Variants in ELFN2 observed in about 807,000 individuals in gnomAD.
ELFN2 encodes extracellular leucine rich repeat and fibronectin type III domain containing 2.
ELFN2 carries 17 observed loss-of-function variants against 45.5 expected under a neutral mutation model. That is an observed-to-expected ratio of 0.37 (90% CI 0.26 to 0.56). ELFN2 has a LOEUF of 0.56. Ranked by LOEUF, ELFN2 falls within the 20% of genes least tolerant of loss-of-function variation. The pLI, the probability that ELFN2 is intolerant of heterozygous loss-of-function variation, is 0.77. For missense variants in ELFN2, 922 were observed against 1,183.2 expected (o/e 0.78, Z 3.24); for synonymous variants, 550 against 551.5 (o/e 1.00, Z 0.04).
At chr22:37,404,686 C>T (rs1040030543) in intron 2 of ELFN2, among the ~76,000 whole-genome samples, 4 of 152,072 alleles carry the variant, frequency 2.6e-5, no homozygotes, top group Admixed American at 1.3e-4. Context: ...GATGCTGGCC[C>T]GACAGCAGCG....
chr22:37,350,686 G>T (rs894049242), intron 1 of ELFN2, among the ~76,000 whole-genome samples: 1 of 150,656 alleles, frequency 6.6e-6, no homozygotes, highest in Non-Finnish European at 1.5e-5. Context: ...GCACCCCAGG[G>T]TGGGGGCGGC....
intron 2 of ELFN2, among the ~76,000 whole-genome samples, chr22:37,341,958 A>C (rs1930569029): frequency 6.6e-6 from 1 of 152,080 alleles, no homozygotes; most frequent in Non-Finnish European, 1.5e-5. Context: ...CTGGGTTCCA[A>C]GCCTGGCTCA....
chr22:37,385,597 G>A (rs1931926354), intron 2 of ELFN2, among the ~76,000 whole-genome samples: 2 of 152,210 alleles, frequency 1.3e-5, no homozygotes, highest in Admixed American at 6.5e-5. Flanking sequence ...TAGGTGGCCA[G>A]CTGACCCCTG....
downstream of ELFN2, among the ~76,000 whole-genome samples, chr22:37,364,877 C>T (rs191461393): frequency 1.7e-4 from 26 of 152,334 alleles, 1 homozygote; most frequent in East Asian, 4.0e-3. Context: ...AGCCTGAGGT[C>T]ACTGGATGCT....
rs145478765 is a variant in ELFN2 at position 37,360,481 on chromosome 22, G to A, written n.149-17778C>T. Among the ~76,000 whole-genome samples, 910 of 152,314 alleles carry A rather than the reference G, an allele frequency of 6.0e-3. 3 individuals are homozygous for A. The highest frequency in any genetic ancestry group is 8.0e-3 in the Non-Finnish European group (547 of 68,020). The stretch of plus-strand genomic sequence containing the variant: ...GAAGCTCTGTGTGTGAGCACAGTGC[G>A]GACACACAGTGGGTGACTCGTCCCT... On this transcript the variant is annotated intron_variant and non_coding_transcript_variant, in intron 1 of 2. Transcript: ENST00000452946.
intron 1 of ELFN2, among the ~76,000 whole-genome samples, chr22:37,424,981 T>A (rs1470498499): frequency 6.6e-6 from 1 of 151,044 alleles, no homozygotes; most frequent in African/African-American, 2.5e-5. Flanking sequence ...CTTAACCCCC[T>A]TCACCTCTCT....
chr22:37,363,864 G>A (rs1284239687), downstream of ELFN2, among the ~76,000 whole-genome samples: 1 of 152,236 alleles, frequency 6.6e-6, no homozygotes, highest in Non-Finnish European at 1.5e-5. Context: ...ACCCACAGGT[G>A]CAGGGTTGGG....
intron 2 of ELFN2, among the ~76,000 whole-genome samples, chr22:37,377,653 G>A (rs777584615): frequency 1.2e-4 from 19 of 152,180 alleles, no homozygotes; most frequent in Non-Finnish European, 2.5e-4. Context: ...ATGGCCCGCT[G>A]GACTAAAGGC....
At chr22:37,414,826 G>A (rs78398944) in intron 2 of ELFN2, among the ~76,000 whole-genome samples, 4,523 of 152,234 alleles carry the variant, frequency 0.03, 241 homozygotes, top group African/African-American at 0.1. Flanking sequence ...CTGTCAGAAC[G>A]TCTCTAGGAT....
In ELFN2 at chr22:37,397,797, G is replaced by A. The variant is rs182314553; in HGVS notation, c.-463+19972C>T. Among the ~76,000 whole-genome samples, 31 of 152,048 alleles carry A rather than the reference G, an allele frequency of 2.0e-4. No individual in the cohort carries two copies. In the East Asian group the frequency reaches 5.2e-3, roughly 26 times the overall value. On this transcript the variant is annotated intron_variant, in intron 2 of 2. Transcript: ENST00000402918. ...GCTTCCTAAGCACAAGGAGGGGAACGAGCTACCGGGCTGGGCATTTTACAG... is the reference window on the plus strand; with the variant it reads ...GCTTCCTAAGCACAAGGAGGGGAACAAGCTACCGGGCTGGGCATTTTACAG...
intron 2 of ELFN2, among the ~76,000 whole-genome samples, chr22:37,412,018 G>A (rs1345966903): frequency 6.6e-6 from 1 of 151,902 alleles, no homozygotes; most frequent in African/African-American, 2.4e-5. Flanking sequence ...TCCGCTCAGA[G>A]GACCATCTCT....
intron 2 of ELFN2, among the ~76,000 whole-genome samples, chr22:37,386,096 T>C (rs895828515): frequency 6.6e-6 from 1 of 152,150 alleles, no homozygotes; most frequent in African/African-American, 2.4e-5. Context: ...ACTTCTCTCC[T>C]GCCTGGGTCA....
rs1032739610 is a variant in ELFN2, at chr22:37,369,017, C to T, written c.*4055G>A. On this transcript the variant is annotated 3_prime_UTR_variant, in exon 3 of 3. Transcript: ENST00000402918. ...CACCCTATTTTAATTTTCTGCAAGG[C>T]GCCAGTCACTAGGGAGCATTGTGTC... 2.0e-5 allele frequency: 3 copies of T among 152,176 alleles called. No homozygotes were observed. Among genetic ancestry groups the T allele is most frequent in the South Asian group, 2.1e-4 (1 of 4,814 alleles). 9.4% of individuals were successfully genotyped at this position (152,176 alleles called of 1,614,324 possible).
rs1931419842 is a variant in ELFN2 at position 37,373,012 on chromosome 22, C to T, written c.*60G>A. ...TGCTCCCCGCCCTGGCCGCCTGGAC[C>T]CTTCCCCCAAAAGGCCCCCAGCCCT... is the stretch of plus-strand genomic sequence containing the variant. On this transcript the variant is annotated 3_prime_UTR_variant, in exon 3 of 3. Coordinates refer to ENST00000402918, the MANE Select transcript of ELFN2 (RefSeq NM_052906.5). The T allele has an allele frequency of 1.3e-6, 2 of 1,525,042 alleles. No homozygotes were observed. Among genetic ancestry groups the T allele is most frequent in the Non-Finnish European group, 8.8e-7 (1 of 1,137,942 alleles). The allele number at this position is 1,525,042 out of a possible 1,614,324, so 94.5% of individuals were successfully genotyped here. A position where few individuals can be genotyped will look rare whatever the true frequency, so the allele number is the denominator to read the frequency against.
downstream of ELFN2, among the ~76,000 whole-genome samples, chr22:37,365,791 A>G (rs1455605035): frequency 6.6e-6 from 1 of 152,208 alleles, no homozygotes; most frequent in Non-Finnish European, 1.5e-5. Context: ...GTACAGCCAC[A>G]CTTAGAGACA....
rs1019409481 is a variant in ELFN2, at chr22:37,375,976, A to T, written c.-442T>A. The T allele has an allele frequency of 1.5e-5, 3 of 206,296 alleles. No individual in the cohort carries two copies. Among genetic ancestry groups the T allele is most frequent in the Non-Finnish European group, 3.0e-5 (3 of 98,780 alleles). The allele number at this position is 206,296 out of a possible 1,614,324, so 12.8% of individuals were successfully genotyped here. ...GAGAGAGATGGGGGCAGGAAGGAAG[A>T]GACCCATCTGCACCTGGTTCCTGAA... On this transcript the variant is annotated 5_prime_UTR_variant, in exon 3 of 3. Transcript: ENST00000402918.
chr22:37,378,404 G>C (rs1445417119), intron 2 of ELFN2, among the ~76,000 whole-genome samples: 1 of 152,230 alleles, frequency 6.6e-6, no homozygotes, highest in Non-Finnish European at 1.5e-5. Context: ...CCAGGGTATT[G>C]GGCAAAGCCA....
intron 1 of ELFN2, among the ~76,000 whole-genome samples, chr22:37,418,657 C>T (rs1365047355): frequency 2.0e-5 from 3 of 151,678 alleles, no homozygotes; most frequent in Non-Finnish European, 2.9e-5. Context: ...GTTGGTCACT[C>T]GGATCACCAA....
intron 2 of ELFN2, among the ~76,000 whole-genome samples, chr22:37,394,597 T>C (rs1035489108): frequency 1.3e-5 from 2 of 151,990 alleles, no homozygotes; most frequent in African/African-American, 4.8e-5. Context: ...CCCCCGCAGC[T>C]CCCGCCCCGG....
Sources: gnomAD v4.1 joint callset for allele counts (sites outside exome capture counted in the v4.1 genomes callset) on GRCh38, gnomAD v4.1.1 for gene constraint, MANE v1.5 for transcripts, NCBI Gene and HGNC (gene_info 2026-07-23, HGNC 2026-07-21) for gene names.